The following HEATR4 variants were observed in gnomAD, a reference collection of about 807,000 sequenced individuals.
HEATR4 encodes the protein HEAT repeat-containing protein 4.
In HEATR4, 95 loss-of-function variants were observed where a neutral mutation model predicts 108.8. The observed-to-expected ratio is 0.87, with a 90% CI of 0.74 to 1.04. The LOEUF (loss-of-function observed/expected upper bound fraction) is 1.04. HEATR4 is among the 50% of genes least tolerant of loss of function. HEATR4 has a pLI of 0.00. For synonymous variants in HEATR4, 443 were observed against 459.4 expected, an observed-to-expected ratio of 0.96 and a Z score of 0.46; for missense variants, 1,152 against 1,253.8, an observed-to-expected ratio of 0.92 and a Z score of 1.23.
the HEATR4 span, chr14:73,593,582 A>G: frequency 4.8e-5 from 42 of 876,476 alleles, no homozygotes; most frequent in East Asian, 3.8e-4. Context: ...GCCTCAAGCA[A>G]TCCTCCTGCC....
the HEATR4 span, chr14:73,619,651 C>T: frequency 6.2e-7 from 1 of 1,614,172 alleles, no homozygotes; most frequent in South Asian, 1.1e-5. Context: ...AGAAACTGGT[C>T]ACTGTATTGA....
the HEATR4 span, among the ~76,000 whole-genome samples, chr14:73,594,442 GCGGCT>G: frequency 4.0e-3 from 44 of 11,008 alleles, 1 homozygote; most frequent in Admixed American, 0.053. Flanking sequence ...CTGTGGCTCA[GCGGCT>G]CAGCGGCTCA....
intron 1 of HEATR4, among the ~76,000 whole-genome samples, chr14:73,531,591 T>C (rs1170651438): frequency 9.1e-6 from 1 of 109,478 alleles, no homozygotes; most frequent in African/African-American, 3.0e-5. Flanking sequence ...GTACTTTTAG[T>C]AGAGATGGGG....
the HEATR4 span, among the ~76,000 whole-genome samples, chr14:73,598,407 A>G: frequency 1.3e-5 from 2 of 148,360 alleles, no homozygotes; most frequent in Non-Finnish European, 1.5e-5. Flanking sequence ...AAAAAAAAAG[A>G]GAGAGATGGG....
At chr14:73,537,541 C>T in intron 1 of HEATR4, 1 of 1,212,332 alleles carries the variant, frequency 8.2e-7, no homozygotes, top group Non-Finnish European at 1.1e-6. Context: ...CCCTGCGCGA[C>T]GAGAAGGGCG....
At chr14:73,505,530 A>G (rs1566828996) in intron 10 of HEATR4, among the ~76,000 whole-genome samples, 1 of 151,632 alleles carries the variant, frequency 6.6e-6, no homozygotes, top group South Asian at 2.1e-4. Context: ...CCAAGTAGCT[A>G]GGATTACAGG....
In HEATR4 at chr14:73,509,346, A is replaced by G; in HGVS notation, c.1686T>C (p.Leu562=). ...GGGCAGTCTGCATGATGTTCCGGGC[A>G]AGGGGATTATGTGACTGTATGGCAT... ...CQYAIQSHNP[L]ARNIMQTALL... is the part of the protein sequence containing the mutation. The change falls in exon 8 of 18, where the codon CTT becomes CTC. Residue 562 remains leucine, a synonymous_variant. Transcript: ENST00000553558. 2 of 1,614,144 alleles carry G rather than the reference A, an allele frequency of 1.2e-6. No homozygotes were observed. The highest frequency in any genetic ancestry group is 2.2e-5 in the East Asian group (1 of 44,882).
chr14:73,529,593 A>G (rs1209762387), intron 2 of HEATR4, among the ~76,000 whole-genome samples: 1 of 152,074 alleles, frequency 6.6e-6, no homozygotes, highest in Non-Finnish European at 1.5e-5. Flanking sequence ...TATTTTATGA[A>G]TACAGAACTC....
chr14:73,518,762 A>T (rs1329987485), intron 5 of HEATR4, among the ~76,000 whole-genome samples: 1 of 152,194 alleles, frequency 6.6e-6, no homozygotes, highest in Non-Finnish European at 1.5e-5. Context: ...ATTGGTAACT[A>T]GTGGCCCTAA....
chr14:73,524,308 A>ATATATATAT (rs1463658661), intron 2 of HEATR4, among the ~76,000 whole-genome samples: 68 of 83,508 alleles, frequency 8.1e-4, no homozygotes, highest in Middle Eastern at 7.1e-3. Flanking sequence ...AAAAAAAAAA[A>ATATATATAT]AAATATATAT....
At chr14:73,586,436 G>C in the HEATR4 span, among the ~76,000 whole-genome samples, 1 of 151,030 alleles carries the variant, frequency 6.6e-6, no homozygotes, top group Admixed American at 6.6e-5. Context: ...CAGGCTCAGT[G>C]GTTCATGCCT....
At chr14:73,625,567 AC>A in the HEATR4 span, among the ~76,000 whole-genome samples, 2 of 149,162 alleles carry the variant, frequency 1.3e-5, no homozygotes, top group East Asian at 4.0e-4. Flanking sequence ...TCACCATTTG[AC>A]CAGGCTGGTC....
rs1409023637 is a variant in HEATR4 at position 73,492,723 on chromosome 14, A to G, written c.2844+343T>C. 1.2e-6 allele frequency: 2 copies of G among 1,613,842 alleles called. No individual in the cohort carries two copies. Among genetic ancestry groups the G allele is most frequent in the African/African-American group, 1.3e-5 (1 of 74,916 alleles). ...GAGGGGGGCCATTTGTTTCTCTATT[A>G]CACAGTGGAAAACTCCCGTGTGTAT... On this transcript the variant is annotated intron_variant, in intron 17 of 17. Transcript: ENST00000553558. The surrounding 1 kb of genome is among the most constrained non-coding windows in gnomAD (Gnocchi z 4.9).
rs773347621 is a variant in HEATR4 at position 73,520,991 on chromosome 14, G to T, written c.930C>A (p.Gly310=). 20 of 1,613,642 alleles carry T rather than the reference G, an allele frequency of 1.2e-5. No homozygotes were observed. Among genetic ancestry groups the T allele is most frequent in the Non-Finnish European group, 1.6e-5 (19 of 1,179,990 alleles). Residue 310 remains glycine, a synonymous_variant, in exon 4 of 18, where the codon GGC becomes GGA. Coordinates refer to ENST00000553558, the MANE Select transcript of HEATR4 (RefSeq NM_001220484.1). ...CATGGATATCCTCAGTGCTCTTGTT[G>T]CCAGGCATGATCTCAACTGTCTCTG... ...QQAETVEIMP[G]NKSTEDIHEK...
In HEATR4 at chr14:73,492,933, C is replaced by T; in HGVS notation, c.2844+133G>A. On this transcript the variant is annotated intron_variant, in intron 17 of 17. Coordinates refer to ENST00000553558, the MANE Select transcript of HEATR4 (RefSeq NM_001220484.1). The surrounding 1 kb of genome is among the most constrained non-coding windows in gnomAD (Gnocchi z 4.9). ...CTGCTGCTCACTAAGATGCCTCTAG[C>T]CCTAAATTAGTTTCTTGTTGATTGC... 2 of 1,612,708 alleles carry T rather than the reference C, an allele frequency of 1.2e-6. No homozygotes were observed. Among genetic ancestry groups the T allele is most frequent in the Non-Finnish European group, 1.7e-6 (2 of 1,179,160 alleles).
rs1885810914 is a variant in HEATR4 at position 73,492,149 on chromosome 14, A to T, written c.2844+917T>A. On this transcript the variant is annotated intron_variant, in intron 17 of 17. Transcript: ENST00000553558. This position sits in a 1 kb window ranked among gnomAD's most constrained non-coding sequence, Gnocchi z 4.9. ...GGCTCTGACATCCAGCCCCAACTTC[A>T]GTCAGGACGACCTCGGTGAGCCGGT... 1 of 1,613,956 alleles carries T rather than the reference A, an allele frequency of 6.2e-7. No homozygotes were observed. Among genetic ancestry groups the T allele is most frequent in the Non-Finnish European group, 8.5e-7 (1 of 1,179,886 alleles).
the HEATR4 span, chr14:73,596,199 C>A: frequency 1.3e-5 from 2 of 152,426 alleles, no homozygotes; most frequent in Non-Finnish European, 2.9e-5. Context: ...TTTTCCCTCT[C>A]ACTTCCTCTC....
the HEATR4 span, among the ~76,000 whole-genome samples, chr14:73,609,846 G>A: frequency 6.6e-6 from 1 of 151,756 alleles, no homozygotes; most frequent in Non-Finnish European, 1.5e-5. Flanking sequence ...TCACCATGTT[G>A]GCCAGACTGG....
At chr14:73,549,443 C>A (rs1349344687) in intron 1 of HEATR4, among the ~76,000 whole-genome samples, 1 of 128,350 alleles carries the variant, frequency 7.8e-6, no homozygotes, top group African/African-American at 2.7e-5. Flanking sequence ...GTTTTAAACA[C>A]CCCCAGGAAG....
Sources: gnomAD v4.1 joint callset for allele counts (sites outside exome capture counted in the v4.1 genomes callset) on GRCh38, gnomAD v4.1.1 for gene constraint, Gnocchi (gnomAD v3.1) non-coding constraint, MANE v1.5 for transcripts, NCBI Gene and HGNC (gene_info 2026-07-23, HGNC 2026-07-21) for gene names.